The following BCAS3 variants were observed in gnomAD, a reference collection of about 807,000 sequenced individuals.
BCAS3 encodes the protein BCAS3 microtubule associated cell migration factor.
A neutral mutation model predicts 116.1 loss-of-function variants in BCAS3; 53 were observed. That is an observed-to-expected ratio of 0.46 (90% confidence interval 0.37 to 0.57). The LOEUF (loss-of-function observed/expected upper bound fraction) is 0.57, where lower values mean the gene tolerates loss of function less well. Among genes scored for constraint, BCAS3 ranks in the 20% least tolerant of loss-of-function variants. BCAS3 has a pLI of 0.00. For synonymous variants in BCAS3, 391 were observed against 408.2 expected (o/e 0.96, Z 0.51); for missense variants, 917 against 1,165.4 (o/e 0.79, Z 3.10).
chr17:61,374,354 A>G (rs1039054678), intron 23 of BCAS3, among the ~76,000 whole-genome samples: 1 of 151,436 alleles, frequency 6.6e-6, no homozygotes, highest in Non-Finnish European at 1.5e-5. Context: ...TATTTTTAGT[A>G]GAGACAGGGT....
chr17:61,195,154 C>T (rs2080399827), intron 22 of BCAS3, among the ~76,000 whole-genome samples: 1 of 152,224 alleles, frequency 6.6e-6, no homozygotes, highest in Admixed American at 6.5e-5. Context: ...TTTTTAACTA[C>T]ATTTCTTTAT....
At chr17:60,996,081 G>A (rs535581923) in intron 15 of BCAS3, among the ~76,000 whole-genome samples, 1 of 152,240 alleles carries the variant, frequency 6.6e-6, no homozygotes, top group South Asian at 2.1e-4. Flanking sequence ...GGTGTAAGGT[G>A]TATAATAGGT....
intron 7 of BCAS3, among the ~76,000 whole-genome samples, chr17:60,857,270 C>T (rs571650708): frequency 1.3e-5 from 2 of 152,308 alleles, no homozygotes; most frequent in East Asian, 3.9e-4. Flanking sequence ...ATCCTTCCTG[C>T]CTTTCCTACA....
In BCAS3 at chr17:61,200,429, G is replaced by A. The variant is rs1464029832; in HGVS notation, c.2425+115865G>A. On this transcript the variant is annotated intron_variant, in intron 22 of 23. Coordinates refer to ENST00000407086, the MANE Select transcript of BCAS3 (RefSeq NM_017679.5). The surrounding 1 kb of genome is among the most constrained non-coding windows in gnomAD (Gnocchi z 5.1). ...TTTATAGCCATAGCAACTTGGTAAA[G>A]GAGAGATTATTATTCTTATTTCATA... 6.6e-6 allele frequency among the ~76,000 whole-genome samples: 1 copy of A among 152,168 alleles called. No homozygotes were observed. The highest frequency in any genetic ancestry group is 2.4e-5 in the African/African-American group (1 of 41,424).
intron 11 of BCAS3, among the ~76,000 whole-genome samples, chr17:60,908,486 G>T (rs1005308245): frequency 1.3e-5 from 2 of 152,294 alleles, no homozygotes; most frequent in Middle Eastern, 3.4e-3. Flanking sequence ...TAGCATTAAT[G>T]GAGTGAGTAC....
intron 22 of BCAS3, among the ~76,000 whole-genome samples, chr17:61,231,463 A>G (rs924111091): frequency 1.3e-5 from 2 of 152,148 alleles, no homozygotes; most frequent in Non-Finnish European, 2.9e-5. Context: ...AGTTTCAGAT[A>G]TTTGTTCAAA....
chr17:60,738,281 T>G (rs1215833335), intron 5 of BCAS3, among the ~76,000 whole-genome samples: 1 of 152,230 alleles, frequency 6.6e-6, no homozygotes, highest in East Asian at 1.9e-4. Flanking sequence ...CTGCTGGATC[T>G]GTTCGTTTCA....
At position 61,392,237 on chromosome 17, in the gene BCAS3, C is replaced by A; in HGVS notation, c.*112C>A. The A allele has an allele frequency of 7.5e-7, 1 of 1,332,704 alleles. No homozygotes were observed. The highest frequency in any genetic ancestry group is 1.0e-6 in the Non-Finnish European group (1 of 979,802). The allele number at this position is 1,332,704 out of a possible 1,614,324, so 82.6% of individuals were successfully genotyped here. Reference sequence around the variant, plus strand: ...TGCTCTTCCTTCATCAACCACCTTCCCCAAGCTTAGTGACAGCAGCCGCCC... The same window carrying A: ...TGCTCTTCCTTCATCAACCACCTTCACCAAGCTTAGTGACAGCAGCCGCCC... On this transcript the variant is annotated 3_prime_UTR_variant, in exon 24 of 24. Coordinates refer to ENST00000407086, the MANE Select transcript of BCAS3 (RefSeq NM_017679.5). This position sits in a 1 kb window ranked among gnomAD's most constrained non-coding sequence, Gnocchi z 6.4.
At chr17:61,053,341 G>A (rs929514982) in intron 19 of BCAS3, among the ~76,000 whole-genome samples, 2 of 152,146 alleles carry the variant, frequency 1.3e-5, no homozygotes, top group Admixed American at 1.3e-4. Context: ...TTAGAATGAA[G>A]TCATTTTAAA....
At chr17:61,154,733 C>T (rs749715341) in intron 22 of BCAS3, among the ~76,000 whole-genome samples, 5 of 152,108 alleles carry the variant, frequency 3.3e-5, no homozygotes, top group Non-Finnish European at 7.3e-5. Flanking sequence ...CATGAGCCAC[C>T]GCGCCCAGCC....
intron 22 of BCAS3, among the ~76,000 whole-genome samples, chr17:61,331,966 C>T (rs770852637): frequency 2.6e-5 from 4 of 152,148 alleles, no homozygotes; most frequent in Non-Finnish European, 4.4e-5. Flanking sequence ...TGTACCAAAC[C>T]GGCCTTTTTC....
intron 4 of BCAS3, among the ~76,000 whole-genome samples, chr17:60,699,533 T>A (rs2036103776): frequency 6.6e-6 from 1 of 152,184 alleles, no homozygotes; most frequent in African/African-American, 2.4e-5. Context: ...AAACACCATT[T>A]GAATGTCAGG....
In BCAS3 at chr17:60,883,010, T is replaced by C. The variant is rs1276201579; in HGVS notation, c.662-6685T>C. On this transcript the variant is annotated intron_variant, in intron 9 of 23. Transcript: ENST00000407086. ...ATTGGTAGCTTGATGGGGATGGCAT[T>C]GAATCTGTAAATTACCTTGGGCAGT... Among the ~76,000 whole-genome samples, 17 of 121,618 alleles carry C rather than the reference T, an allele frequency of 1.4e-4. No homozygotes were observed. The South Asian group carries it at 5.2e-3, about 37-fold the overall frequency. The allele number at this position is 121,618 out of a possible 152,430, so 79.8% of individuals were successfully genotyped here.
At chr17:60,779,689 G>A (rs1568233842) in intron 6 of BCAS3, among the ~76,000 whole-genome samples, 1 of 152,054 alleles carries the variant, frequency 6.6e-6, no homozygotes, top group Admixed American at 6.6e-5. Context: ...TTTAGACTTG[G>A]TTCCTATCAA....
In BCAS3 at chr17:61,126,023, T is replaced by G. The variant is rs2076029036; in HGVS notation, c.2425+41459T>G. Among the ~76,000 whole-genome samples, 1 of 152,194 alleles carries G rather than the reference T, an allele frequency of 6.6e-6. No individual in the cohort carries two copies. The highest frequency in any genetic ancestry group is 1.5e-5 in the Non-Finnish European group (1 of 68,004). On this transcript the variant is annotated intron_variant, in intron 22 of 23. Transcript: ENST00000407086. This position sits in a 1 kb window ranked among gnomAD's most constrained non-coding sequence, Gnocchi z 4.6. ...TATGGAGTTGAGATTCTACTTGAATTGTGTTATTGGGAATTCTGAGTAATG... is the reference window on the plus strand; with the variant it reads ...TATGGAGTTGAGATTCTACTTGAATGGTGTTATTGGGAATTCTGAGTAATG...
chr17:61,216,836 C>T (rs1344917463), intron 22 of BCAS3, among the ~76,000 whole-genome samples: 2 of 151,826 alleles, frequency 1.3e-5, no homozygotes, highest in Non-Finnish European at 2.9e-5. Context: ...GCCACCGTGC[C>T]CAGCCTATAT....
rs2143873564 is a variant in BCAS3 at position 61,131,789 on chromosome 17, G to C, written c.2425+47225G>C. Among the ~76,000 whole-genome samples, 1 of 152,340 alleles carries C rather than the reference G, an allele frequency of 6.6e-6. No individual in the cohort carries two copies. The highest frequency in any genetic ancestry group is 2.1e-4 in the South Asian group (1 of 4,824). ...CTCATGAAGGAGCCCTGATTAAAAA[G>C]AGTGGTAATGAAGACAAATGTTTCA... On this transcript the variant is annotated intron_variant, in intron 22 of 23. Coordinates refer to ENST00000407086, the MANE Select transcript of BCAS3 (RefSeq NM_017679.5). The surrounding 1 kb of genome is among the most constrained non-coding windows in gnomAD (Gnocchi z 4.4).
intron 22 of BCAS3, among the ~76,000 whole-genome samples, chr17:61,331,799 G>A (rs548764916): frequency 1.3e-5 from 2 of 152,312 alleles, no homozygotes; most frequent in South Asian, 4.1e-4. Context: ...CCAGTCGAGC[G>A]TGGCTTCTCA....
Position 61,224,900 on chromosome 17 carries a change from T to C in BCAS3, c.2425+140336T>C, listed in dbSNP as rs1297943849. On this transcript the variant is annotated intron_variant, in intron 22 of 23. Transcript: ENST00000407086. This position sits in a 1 kb window ranked among gnomAD's most constrained non-coding sequence, Gnocchi z 5.7. Reference sequence around the variant, plus strand: ...TGGCTACCATATTGAACTGCACAGATCTAGAACATTTGGAACCCATTCTTC... The same window carrying C: ...TGGCTACCATATTGAACTGCACAGACCTAGAACATTTGGAACCCATTCTTC... Among the ~76,000 whole-genome samples the C allele has an allele frequency of 1.3e-5, 2 of 152,200 alleles. No individual in the cohort carries two copies. Among genetic ancestry groups the C allele is most frequent in the Non-Finnish European group, 2.9e-5 (2 of 68,036 alleles).
Sources: allele counts gnomAD v4.1 joint callset (sites outside exome capture counted in the v4.1 genomes callset), GRCh38; gene constraint gnomAD v4.1.1; non-coding constraint Gnocchi (gnomAD v3.1); transcripts MANE v1.5; gene names NCBI Gene and HGNC (gene_info 2026-07-23, HGNC 2026-07-21).